Variants in COL24A1 observed in about 807,000 individuals in gnomAD.
COL24A1 encodes collagen type XXIV alpha 1 chain.
Under a neutral mutation model 253.9 loss-of-function variants are expected in COL24A1, and 224 were observed. That is an observed-to-expected ratio of 0.88 (90% confidence interval 0.79 to 0.99). The LOEUF is 0.99. COL24A1 is among the 50% of genes least tolerant of loss of function. The probability of loss-of-function intolerance (pLI) is 0.00; values close to 1 mark genes in which losing one functional copy is unlikely to be tolerated. For missense variants in COL24A1, 2,131 were observed against 2,068.5 expected, an observed-to-expected ratio of 1.03 and a Z score of -0.59; for synonymous variants, 685 against 673.7, an observed-to-expected ratio of 1.02 and a Z score of -0.26.
intron 39 of COL24A1, among the ~76,000 whole-genome samples, chr1:85,843,215 G>A (rs1417549822): frequency 6.6e-6 from 1 of 152,008 alleles, no homozygotes; most frequent in Non-Finnish European, 1.5e-5. Context: ...TTTAATCATA[G>A]TGCTTCACTA....
At chr1:85,901,093 A>T (rs1345390471) in intron 28 of COL24A1, among the ~76,000 whole-genome samples, 1 of 152,250 alleles carries the variant, frequency 6.6e-6, no homozygotes, top group African/African-American at 2.4e-5. Flanking sequence ...ATACAACATA[A>T]GAAACAATCA....
intron 32 of COL24A1, among the ~76,000 whole-genome samples, chr1:85,884,796 C>T (rs1464398219): frequency 3.3e-5 from 5 of 152,110 alleles, no homozygotes; most frequent in African/African-American, 1.2e-4. Context: ...AGGTGTTTTT[C>T]AAAATGCTTA....
At chr1:85,978,482 T>TA (rs1692918137) in intron 20 of COL24A1, among the ~76,000 whole-genome samples, 1 of 152,018 alleles carries the variant, frequency 6.6e-6, no homozygotes, top group Non-Finnish European at 1.5e-5. Context: ...GAGGCTCACC[T>TA]AACACATAAG....
At chr1:85,801,363 G>A (rs113910906) in intron 47 of COL24A1, among the ~76,000 whole-genome samples, 4 of 152,288 alleles carry the variant, frequency 2.6e-5, no homozygotes, top group African/African-American at 9.6e-5. Context: ...TCCAGTTGGG[G>A]TTGGCCAGTG....
At position 86,033,851 on chromosome 1, in the gene COL24A1, A is replaced by G. The variant is rs1698785463; in HGVS notation, c.2004+19T>C. 2 of 1,601,890 alleles carry G rather than the reference A, an allele frequency of 1.2e-6. No homozygotes were observed. Among genetic ancestry groups the G allele is most frequent in the Non-Finnish European group, 1.7e-6 (2 of 1,174,534 alleles). ...GAATGATGTTAGAATGCAAGGCTGA[A>G]CCAACATAATGTACTCACAGGACTG... On this transcript the variant is annotated intron_variant, in intron 13 of 59. Transcript: ENST00000370571.
intron 10 of COL24A1, among the ~76,000 whole-genome samples, chr1:86,055,406 C>T (rs1448961354): frequency 1.3e-5 from 2 of 151,988 alleles, no homozygotes; most frequent in Admixed American, 6.6e-5. Context: ...ACTAAAAGTA[C>T]AACTTAAGAG....
At chr1:86,033,968 C>T (rs1223035143) in intron 12 of COL24A1, 45 bp from the exon 13 acceptor site, 12 of 1,428,804 alleles carry the variant, frequency 8.4e-6, no homozygotes, top group Non-Finnish European at 1.1e-5. Flanking sequence ...ATAAATAATT[C>T]ATTTTTGCTG....
intron 12 of COL24A1, among the ~76,000 whole-genome samples, chr1:86,038,501 C>CTAAA (rs142600515): frequency 7.9e-4 from 120 of 152,136 alleles, no homozygotes; most frequent in African/African-American, 2.6e-3. Context: ...TCTCTGAAGC[C>CTAAA]TAAACATTAT....
intron 2 of COL24A1, 120 bp downstream of exon 2, chr1:86,145,999 G>A: frequency 1.3e-6 from 1 of 791,396 alleles, no homozygotes; most frequent in Non-Finnish European, 2.0e-6. Context: ...GTACTGGGTG[G>A]AATTTTTGTT....
intron 31 of COL24A1, among the ~76,000 whole-genome samples, chr1:85,893,947 C>T (rs1401133580): frequency 6.6e-6 from 1 of 152,082 alleles, no homozygotes; most frequent in African/African-American, 2.4e-5. Context: ...CCAGGCCTAA[C>T]CAATTTAAAC....
intron 24 of COL24A1, among the ~76,000 whole-genome samples, chr1:85,941,919 A>C (rs1367032503): frequency 3.3e-5 from 5 of 152,196 alleles, no homozygotes; most frequent in African/African-American, 1.2e-4. Context: ...CTGGGCACAT[A>C]GTAGGTGTTC....
chr1:85,987,488 T>A, intron 20 of COL24A1, 113 bp downstream of exon 20: 1 of 966,064 alleles, frequency 1.0e-6, no homozygotes, highest in Non-Finnish European at 1.6e-6. Flanking sequence ...CTGAGACAGC[T>A]TAAAAATATC....
At chr1:86,007,660 C>T (rs1696098868) in intron 19 of COL24A1, among the ~76,000 whole-genome samples, 1 of 152,132 alleles carries the variant, frequency 6.6e-6, no homozygotes, top group Non-Finnish European at 1.5e-5. Context: ...CATGAAAAAA[C>T]ATGGAGGAAC....
rs775172424 is a variant in COL24A1 at position 86,089,191 on chromosome 1, C to A, written c.1690G>T (p.Gly564Cys). ...QGLSGLMGPP[G>C]MQGDKGLKGH... ...CAACTTACCTTATCACCTTGCATAC[C>A]AGGGGGGCCCATTAATCCAGAAAGG... The change falls in exon 7 of 60, where the codon GGT becomes TGT. Residue 564 changes from glycine (G) to cysteine (C), a missense_variant. By Grantham distance (159) the Gly-to-Cys change is radical (BLOSUM62 -3). Coordinates refer to ENST00000370571, the MANE Select transcript of COL24A1 (RefSeq NM_152890.7). The A allele has an allele frequency of 2.5e-6, 4 of 1,583,770 alleles. No homozygotes were observed. The highest frequency in any genetic ancestry group is 3.4e-6 in the Non-Finnish European group (4 of 1,171,994).
chr1:86,098,729 C>A (rs1178023247), intron 5 of COL24A1, among the ~76,000 whole-genome samples: 1 of 152,010 alleles, frequency 6.6e-6, no homozygotes, highest in African/African-American at 2.4e-5. Context: ...TTTAAGGTGA[C>A]TCTTTTGGTA....
chr1:85,966,256 GAA>G (rs1691561825), intron 22 of COL24A1, among the ~76,000 whole-genome samples: 2 of 152,110 alleles, frequency 1.3e-5, no homozygotes, highest in Non-Finnish European at 2.9e-5. Flanking sequence ...ATGAAATGAA[GAA>G]GACTGAAAAC....
intron 19 of COL24A1, among the ~76,000 whole-genome samples, chr1:85,993,975 A>G (rs992575454): frequency 2.0e-5 from 3 of 152,048 alleles, no homozygotes; most frequent in Non-Finnish European, 4.4e-5. Context: ...AACTTTTCTG[A>G]TATTTTGCAA....
At chr1:85,999,965 C>T (rs1695242829) in intron 19 of COL24A1, among the ~76,000 whole-genome samples, 1 of 152,182 alleles carries the variant, frequency 6.6e-6, no homozygotes, top group Non-Finnish European at 1.5e-5. Context: ...TGCCAACCTA[C>T]TTTTACAGCC....
chr1:86,091,235 A>G (rs17415844), intron 6 of COL24A1, among the ~76,000 whole-genome samples: 23,973 of 151,938 alleles, frequency 0.16, 1,944 homozygotes, highest in Middle Eastern at 0.23. Flanking sequence ...AAACATGTTG[A>G]GTATGTACTC....
Sources: allele counts gnomAD v4.1 joint callset (sites outside exome capture counted in the v4.1 genomes callset), GRCh38; gene constraint gnomAD v4.1.1; transcripts MANE v1.5; gene names NCBI Gene and HGNC (gene_info 2026-07-23, HGNC 2026-07-21).